Variants in KAZN observed in about 807,000 individuals in gnomAD.
The protein encoded by KAZN is kazrin, periplakin interacting protein.
In KAZN, 40 loss-of-function variants were observed where a neutral mutation model predicts 87.4. The observed-to-expected ratio is 0.46, with a 90% CI of 0.36 to 0.60. The LOEUF is 0.60. Ranked by LOEUF, KAZN falls within the 20% of genes least tolerant of loss-of-function variation. The pLI, the probability that KAZN is intolerant of heterozygous loss-of-function variation, is 0.00. For missense variants in KAZN, 898 were observed against 1,073.9 expected, an observed-to-expected ratio of 0.84 and a Z score of 2.29; for synonymous variants, 466 against 458.3, an observed-to-expected ratio of 1.02 and a Z score of -0.22.
At chr1:14,658,327 T>TA (rs1638927767) in intron 1 of KAZN, among the ~76,000 whole-genome samples, 1 of 152,188 alleles carries the variant, frequency 6.6e-6, no homozygotes, top group African/African-American at 2.4e-5. Flanking sequence ...GTTTGGGACA[T>TA]AGTAAGCACT....
chr1:14,899,087 C>G (rs984268540), intron 1 of KAZN, among the ~76,000 whole-genome samples: 1 of 152,196 alleles, frequency 6.6e-6, no homozygotes, highest in Non-Finnish European at 1.5e-5. Context: ...CTTGGAGACT[C>G]AAGTCTACCA....
In KAZN at chr1:14,807,496, T is replaced by C. The variant is rs193116364; in HGVS notation, c.227-153188T>C. Among the ~76,000 whole-genome samples, 20 of 152,276 alleles carry C rather than the reference T, an allele frequency of 1.3e-4. No individual in the cohort carries two copies. In the East Asian group the frequency reaches 3.9e-3, roughly 29 times the overall value. On this transcript the variant is annotated intron_variant, in intron 1 of 14. Coordinates refer to ENST00000376030, the MANE Select transcript of KAZN (RefSeq NM_201628.3). ...TAAAACTAATCTTGAGGTCCATGCA[T>C]GGTGGCTCACACCCGTAATCCCAGC...
chr1:14,132,021 T>C (rs10928027), intron 1 of KAZN, among the ~76,000 whole-genome samples: 86,843 of 151,956 alleles, frequency 0.57, 26,068 homozygotes, highest in East Asian at 0.76. Flanking sequence ...GAGATTTGAG[T>C]ACAAGCAGTT....
intron 1 of KAZN, among the ~76,000 whole-genome samples, chr1:14,650,307 C>T (rs570945127): frequency 6.6e-6 from 1 of 152,266 alleles, no homozygotes; most frequent in South Asian, 2.1e-4. Flanking sequence ...GTAATCCCAG[C>T]ACTTTGGCAA....
intron 2 of KAZN, among the ~76,000 whole-genome samples, chr1:14,391,019 C>G (rs1176505274): frequency 6.6e-6 from 1 of 152,210 alleles, no homozygotes; most frequent in Non-Finnish European, 1.5e-5. Flanking sequence ...CTTGAAGATT[C>G]TCAGCAGATG....
chr1:14,135,298 C>T (rs1419616178), intron 1 of KAZN, among the ~76,000 whole-genome samples: 1 of 152,136 alleles, frequency 6.6e-6, no homozygotes, highest in Non-Finnish European at 1.5e-5. Flanking sequence ...TTTTATGTTC[C>T]TCTTCAAGGG....
intron 2 of KAZN, among the ~76,000 whole-genome samples, chr1:14,516,656 T>G (rs1260693553): frequency 6.6e-6 from 1 of 152,230 alleles, no homozygotes; most frequent in Non-Finnish European, 1.5e-5. Flanking sequence ...TTGTCTTGTA[T>G]GTTTGAAGCT....
chr1:14,660,940 C>T (rs939762140), intron 1 of KAZN, among the ~76,000 whole-genome samples: 1 of 152,152 alleles, frequency 6.6e-6, no homozygotes, highest in Non-Finnish European at 1.5e-5. Flanking sequence ...GCTGTGACAG[C>T]CGCATCCTCC....
At chr1:14,694,183 G>A (rs552088764) in intron 1 of KAZN, among the ~76,000 whole-genome samples, 87 of 152,252 alleles carry the variant, frequency 5.7e-4, no homozygotes, top group African/African-American at 1.9e-3. Context: ...GTCGACAGTC[G>A]GCTTCAGCCT....
At chr1:14,391,114 C>T (rs1182198695) in intron 2 of KAZN, among the ~76,000 whole-genome samples, 2 of 152,114 alleles carry the variant, frequency 1.3e-5, no homozygotes, top group Non-Finnish European at 2.9e-5. Context: ...AGCCAGAGGC[C>T]ACTTAGGAGG....
chr1:15,110,507 TTGTG>T (rs141993516), intron 13 of KAZN, among the ~76,000 whole-genome samples: 4 of 138,630 alleles, frequency 2.9e-5, no homozygotes, highest in South Asian at 2.4e-4. Context: ...GTGTGTGTAT[TTGTG>T]TGTTTGTGTG....
chr1:14,030,717 G>T (rs1488292081), intron 1 of KAZN, among the ~76,000 whole-genome samples: 1 of 151,422 alleles, frequency 6.6e-6, no homozygotes, highest in Non-Finnish European at 1.5e-5. Flanking sequence ...CTCTTTGCCA[G>T]CTTGGACAGA....
chr1:15,114,409 C>A, intron 14 of KAZN, 62 bp from the exon 15 acceptor site: 1 of 1,375,786 alleles, frequency 7.3e-7, no homozygotes, highest in Non-Finnish European at 1.0e-6. Context: ...ATTTCCCAGA[C>A]CTTCATTCTT....
chr1:14,530,101 C>A (rs905767657), intron 2 of KAZN, among the ~76,000 whole-genome samples: 14 of 152,170 alleles, frequency 9.2e-5, no homozygotes, highest in Non-Finnish European at 1.8e-4. Context: ...CCAGGGGAAG[C>A]CAGTGATCCT....
intron 2 of KAZN, among the ~76,000 whole-genome samples, chr1:14,254,353 G>C (rs913801551): frequency 6.6e-6 from 1 of 152,168 alleles, no homozygotes; most frequent in African/African-American, 2.4e-5. Context: ...AAGCTCCCTA[G>C]GGATCATCTC....
chr1:14,316,449 C>T (rs1310983074), intron 2 of KAZN, among the ~76,000 whole-genome samples: 2 of 151,598 alleles, frequency 1.3e-5, no homozygotes, highest in African/African-American at 2.4e-5. Context: ...GTGTCTTCTC[C>T]CTTTGTTACT....
At chr1:14,859,358 T>C (rs1650566593) in intron 1 of KAZN, among the ~76,000 whole-genome samples, 1 of 152,070 alleles carries the variant, frequency 6.6e-6, no homozygotes, top group South Asian at 2.1e-4. Flanking sequence ...AGATGAGAAA[T>C]CAGAGGTGGG....
At chr1:14,777,154 A>ATT (rs55767259) in intron 1 of KAZN, among the ~76,000 whole-genome samples, 1,878 of 67,800 alleles carry the variant, frequency 0.028, 39 homozygotes, top group African/African-American at 0.073. Flanking sequence ...CACCCAGCTA[A>ATT]TTTTTTTTTT....
chr1:14,063,659 C>T (rs1642883643), intron 1 of KAZN, among the ~76,000 whole-genome samples: 1 of 152,106 alleles, frequency 6.6e-6, no homozygotes. Flanking sequence ...TCAGGTAGGT[C>T]AGTGATATGG....
Sources: allele counts gnomAD v4.1 joint callset (sites outside exome capture counted in the v4.1 genomes callset), GRCh38; gene constraint gnomAD v4.1.1; transcripts MANE v1.5; gene names NCBI Gene and HGNC (gene_info 2026-07-23, HGNC 2026-07-21).